MAP3K12: variants seen among roughly 807,000 people sequenced by gnomAD.
MAP3K12 encodes mitogen-activated protein kinase kinase kinase 12, also known as MAPK-upstream kinase.
In MAP3K12, 14 loss-of-function variants were observed where a neutral mutation model predicts 87.5. The observed-to-expected ratio is 0.16, with a 90% CI of 0.11 to 0.25. The LOEUF is 0.25. Ranked by LOEUF, MAP3K12 falls within the 10% of genes least tolerant of loss-of-function variation. The probability of loss-of-function intolerance (pLI) is 1.00; values close to 1 mark genes in which losing one functional copy is unlikely to be tolerated. For synonymous variants in MAP3K12, 469 were observed against 452.5 expected, an observed-to-expected ratio of 1.04 and a Z score of -0.46; for missense variants, 802 against 1,140.4, an observed-to-expected ratio of 0.70 and a Z score of 4.27.
At chr12:53,498,992 GTGTGTGTGTGT>G (rs1943611220) in intron 1 of MAP3K12, among the ~76,000 whole-genome samples, 1 of 67,146 alleles carries the variant, frequency 1.5e-5, no homozygotes, top group African/African-American at 5.4e-5. Context: ...GTGTGTGTGT[GTGTGTGTGTGT>G]GGAGATGGTG....
chr12:53,489,079 CAAAAA>C (rs925604046), intron 1 of MAP3K12, among the ~76,000 whole-genome samples: 1 of 46,418 alleles, frequency 2.2e-5, no homozygotes, highest in African/African-American at 8.4e-5. Flanking sequence ...AACTCTGTCT[CAAAAA>C]AAAAAAAAAA....
In MAP3K12 at chr12:53,485,126, T is replaced by C; in HGVS notation, c.1069A>G (p.Ser357Gly). The C allele has an allele frequency of 6.2e-7, 1 of 1,614,172 alleles. No individual in the cohort carries two copies. Among genetic ancestry groups the C allele is most frequent in the East Asian group, 2.2e-5 (1 of 44,886 alleles). ...DSSAIIWGVG[S>G]NSLHLPVPSS... The stretch of plus-strand genomic sequence containing the variant: ...GGCACGGGCAGATGGAGACTGTTGC[T>C]TCCCACACCCCAGATAATGGCTGAG... Residue 357 changes from serine to glycine, a missense_variant, in exon 6 of 14, where the codon AGC becomes GGC. By Grantham distance (56) the Ser-to-Gly change is moderately conservative (BLOSUM62 0). Coordinates refer to ENST00000547488, the MANE Select transcript of MAP3K12 (RefSeq NM_001193511.2).
At chr12:53,496,324 T>C (rs1943547464) in intron 1 of MAP3K12, among the ~76,000 whole-genome samples, 1 of 152,180 alleles carries the variant, frequency 6.6e-6, no homozygotes. Context: ...TTCTGTCTCC[T>C]CTGGACTAAG....
intron 1 of MAP3K12, among the ~76,000 whole-genome samples, chr12:53,493,306 C>A (rs1227616077): frequency 6.6e-6 from 1 of 152,046 alleles, no homozygotes; most frequent in African/African-American, 2.4e-5. Context: ...AGGTGCGGAC[C>A]CCCACCCAGC....
chr12:53,492,380 G>A (rs1337941213), intron 1 of MAP3K12, among the ~76,000 whole-genome samples: 4 of 152,232 alleles, frequency 2.6e-5, no homozygotes, highest in African/African-American at 9.6e-5. Context: ...GCACGCAGAA[G>A]GTGCTCGGTA....
Position 53,499,435 on chromosome 12 carries a change from C to T in MAP3K12, c.-46G>A, listed in dbSNP as rs1474500488. ...CTCGGCCAGGCTCTCACCTCGGGGG[C>T]TCCGCGGCCGCAGCACAAAAGGCGG... On this transcript the variant is annotated 5_prime_UTR_variant, in exon 1 of 14. Coordinates refer to ENST00000547488, the MANE Select transcript of MAP3K12 (RefSeq NM_001193511.2). The T allele has an allele frequency of 1.5e-5, 2 of 135,812 alleles. No homozygotes were observed. The highest frequency in any genetic ancestry group is 5.4e-5 in the African/African-American group (2 of 37,348). The allele number at this position is 135,812 out of a possible 1,614,324, so 8.4% of individuals were successfully genotyped here.
rs996260046 is a variant in MAP3K12, at chr12:53,482,712, T to C, written c.2091A>G (p.Glu697=). ...CACCAGGCCCTACTGGAGGAGGTGGTTCCCCTTTGGCTCCCCCAGGTGAAT... is the reference window on the plus strand; with the variant it reads ...CACCAGGCCCTACTGGAGGAGGTGGCTCCCCTTTGGCTCCCCCAGGTGAAT... ...SPDSPGGAKG[E]PPPPVGPGEG... is the part of the protein sequence containing the mutation. Residue 697 remains glutamate, a synonymous_variant, in exon 11 of 14, where the codon GAA becomes GAG. Coordinates refer to ENST00000547488, the MANE Select transcript of MAP3K12 (RefSeq NM_001193511.2). The C allele has an allele frequency of 6.2e-7, 1 of 1,613,822 alleles. No homozygotes were observed. The highest frequency in any genetic ancestry group is 8.5e-7 in the Non-Finnish European group (1 of 1,180,000).
In MAP3K12 at chr12:53,487,397, C is replaced by G; in HGVS notation, c.-6G>C. On this transcript the variant is annotated 5_prime_UTR_variant, in exon 2 of 14. Coordinates refer to ENST00000547488, the MANE Select transcript of MAP3K12 (RefSeq NM_001193511.2). Reference sequence around the variant, plus strand: ...GTCTCATGGAGGCAAGCCATCGCCTCTGGCCCCTGGTATGATGGTGAACAC... The same window carrying G: ...GTCTCATGGAGGCAAGCCATCGCCTGTGGCCCCTGGTATGATGGTGAACAC... The G allele has an allele frequency of 6.2e-7, 1 of 1,602,822 alleles. No individual in the cohort carries two copies. The highest frequency in any genetic ancestry group is 8.5e-7 in the Non-Finnish European group (1 of 1,174,196).
At position 53,486,765 on chromosome 12, in the gene MAP3K12, A is replaced by G. The variant is rs956813710; in HGVS notation, c.446-143T>C. ...TAGGCCAAGAAGAAGGTTCGAGGGGACAGGGAAGGAATGAATGGGTGGCCT... is the reference window on the plus strand; with the variant it reads ...TAGGCCAAGAAGAAGGTTCGAGGGGGCAGGGAAGGAATGAATGGGTGGCCT... On this transcript the variant is annotated intron_variant, in intron 2 of 13. Transcript: ENST00000547488. The surrounding 1 kb of genome is among the most constrained non-coding windows in gnomAD (Gnocchi z 4.9). The G allele has an allele frequency of 2.7e-6, 4 of 1,459,898 alleles. No homozygotes were observed. The African/African-American group carries it at 5.7e-5, about 21-fold the overall frequency. 90.4% of individuals were successfully genotyped at this position (1,459,898 alleles called of 1,614,324 possible).
rs779065560 is a variant in MAP3K12 at position 53,482,779 on chromosome 12, G to T, written c.2024C>A (p.Thr675Asn). ...PGSPPPARGD[T>N]PPSEGSAPGS... ...AGGGGCTGAGCCCTCACTTGGTGGG[G>T]TGTCACCCCGGGCCGGAGGTGGTGA... The change falls in exon 11 of 14, where the codon ACC becomes AAC. Residue 675 changes from threonine to asparagine, a missense_variant. Physicochemically the swap from Thr to Asn is moderately conservative, Grantham distance 65. Transcript: ENST00000547488. 1.9e-6 allele frequency: 3 copies of T among 1,613,266 alleles called. No individual in the cohort carries two copies. The African/African-American group carries it at 4.0e-5, about 22-fold the overall frequency.
chr12:53,485,219 G>T lies in MAP3K12; in HGVS notation c.981-5C>A, dbSNP rs1429523259. ...CATAGCACCACGCCAAAGGACCTAGGGATGAGGGGACATCACTTGTGCTCA... is the reference window on the plus strand; with the variant it reads ...CATAGCACCACGCCAAAGGACCTAGTGATGAGGGGACATCACTTGTGCTCA... On this transcript the variant is annotated splice_polypyrimidine_tract_variant and splice_region_variant and intron_variant, in intron 5 of 13. Transcript: ENST00000547488. 26 of 1,607,760 alleles carry T rather than the reference G, an allele frequency of 1.6e-5. No individual in the cohort carries two copies. In the Admixed American group the frequency reaches 4.4e-4, roughly 27 times the overall value.
At chr12:53,484,094 C>A in intron 7 of MAP3K12, 74 bp from the exon 8 acceptor site, 1 of 1,479,406 alleles carries the variant, frequency 6.8e-7, no homozygotes, top group Non-Finnish European at 9.4e-7. Context: ...TTGCCCACAC[C>A]ACTGCCAATG....
At chr12:53,490,745 C>CAA (rs746490436) in intron 1 of MAP3K12, among the ~76,000 whole-genome samples, 16 of 112,000 alleles carry the variant, frequency 1.4e-4, no homozygotes, top group Admixed American at 3.7e-4. Flanking sequence ...GACTCCATCT[C>CAA]AAAAAAAAAA....
upstream of MAP3K12, chr12:53,500,158 A>G (rs1003248678): frequency 6.6e-6 from 1 of 151,394 alleles, no homozygotes; most frequent in Non-Finnish European, 1.5e-5. Context: ...CCCTTCTCAG[A>G]ACACTCATTA....
Position 53,487,058 on chromosome 12 carries a change from G to T in MAP3K12, c.334C>A (p.Leu112Met), listed in dbSNP as rs1943245888. The T allele has an allele frequency of 3.7e-6, 6 of 1,613,976 alleles. No individual in the cohort carries two copies. In the Middle Eastern group the frequency reaches 4.9e-4, roughly 133 times the overall value. Residue 112 changes from leucine to methionine, a missense_variant, in exon 2 of 14, where the codon CTG becomes ATG. Physicochemically the swap from Leu to Met is conservative, Grantham distance 15 (BLOSUM62 2). Transcript: ENST00000547488. ...AAGCCACTGCCACTCTGGCACTGCA[G>T]TCGCACCTCGTCAGCTCGAACTCTG... ...ASRVRADEVR[L>M]QCQSGSGFLE...
chr12:53,488,670 TATAA>T (rs1262148459), intron 1 of MAP3K12, among the ~76,000 whole-genome samples: 5 of 150,888 alleles, frequency 3.3e-5, no homozygotes, highest in East Asian at 4.0e-4. Context: ...TAAAAAAATA[TATAA>T]ATAAATAAAA....
At chr12:53,483,873 C>G (rs1417676611) in intron 8 of MAP3K12, 38 bp downstream of exon 8, 1 of 1,611,498 alleles carries the variant, frequency 6.2e-7, no homozygotes, top group Non-Finnish European at 8.5e-7. Context: ...ATAGTCCTTG[C>G]TGTTAGTAAA....
intron 1 of MAP3K12, among the ~76,000 whole-genome samples, chr12:53,492,005 G>A (rs556135621): frequency 5.0e-4 from 75 of 151,454 alleles, no homozygotes; most frequent in African/African-American, 1.7e-3. Flanking sequence ...AGCCCAGGAG[G>A]TGGAGGTTGC....
At position 53,486,737 on chromosome 12, in the gene MAP3K12, A is replaced by ACTT; in HGVS notation, c.446-116_446-115insAAG. Reference sequence around the variant, plus strand: ...TAAGGAGGGTGAGGCAGAAAGCCAAAAATAGGCCAAGAAGAAGGTTCGAGG... The same window carrying ACTT: ...TAAGGAGGGTGAGGCAGAAAGCCAAACTTAATAGGCCAAGAAGAAGGTTCGAGG... On this transcript the variant is annotated intron_variant, in intron 2 of 13. Transcript: ENST00000547488. The surrounding 1 kb of genome is among the most constrained non-coding windows in gnomAD (Gnocchi z 4.9). 6.9e-7 allele frequency: 1 copy of ACTT among 1,452,698 alleles called. No homozygotes were observed. Among genetic ancestry groups the ACTT allele is most frequent in the Middle Eastern group, 2.2e-4 (1 of 4,606 alleles). 90.0% of individuals were successfully genotyped at this position (1,452,698 alleles called of 1,614,324 possible). A position where few individuals can be genotyped will look rare whatever the true frequency, so the allele number is the denominator to read the frequency against.
Sources: allele counts gnomAD v4.1 joint callset (sites outside exome capture counted in the v4.1 genomes callset), GRCh38; gene constraint gnomAD v4.1.1; non-coding constraint Gnocchi (gnomAD v3.1); transcripts MANE v1.5; gene names NCBI Gene and HGNC (gene_info 2026-07-23, HGNC 2026-07-21).